The following CHCHD3 variants were observed in gnomAD, a reference collection of about 807,000 sequenced individuals.
CHCHD3 encodes the protein MICOS complex subunit MIC19.
CHCHD3 carries 20 observed loss-of-function variants against 38.2 expected under a neutral mutation model. That is an observed-to-expected ratio of 0.52 (90% confidence interval 0.37 to 0.76). The LOEUF is 0.76. Ranked by LOEUF, CHCHD3 falls within the 30% of genes least tolerant of loss-of-function variation. CHCHD3 has a pLI of 0.00. For synonymous variants in CHCHD3, 82 were observed against 100.0 expected, an observed-to-expected ratio of 0.82 and a Z score of 1.07; for missense variants, 245 against 279.2, an observed-to-expected ratio of 0.88 and a Z score of 0.87.
At chr7:133,068,524 C>A (rs1814735997) in intron 2 of CHCHD3, among the ~76,000 whole-genome samples, 1 of 152,150 alleles carries the variant, frequency 6.6e-6, no homozygotes, top group Admixed American at 6.5e-5. Context: ...TGGAGAGCCA[C>A]CACTGGGACA....
Position 132,885,744 on chromosome 7 carries a change from G to C in CHCHD3, c.371C>G (p.Ala124Gly), listed in dbSNP as rs1448922253. Residue 124 changes from alanine to glycine, a missense_variant and splice_region_variant, in exon 5 of 8, where the codon GCT becomes GGT. Coordinates refer to ENST00000262570, the MANE Select transcript of CHCHD3 (RefSeq NM_017812.4). Reference protein sequence around the residue: ...EEERAKAKHLARQLEEKDRVL... With the variant: ...EEERAKAKHLGRQLEEKDRVL... ...TCGGTCTTTCTCTTCCAGCTGCCTA[G>C]CCTAAAAAAAGAAATGAGGAATATA... 2 of 1,605,312 alleles carry C rather than the reference G, an allele frequency of 1.2e-6. No individual in the cohort carries two copies. The highest frequency in any genetic ancestry group is 1.1e-5 in the South Asian group (1 of 89,490).
chr7:133,039,916 G>C lies in CHCHD3; in HGVS notation c.170-15289C>G, dbSNP rs149335596. Among the ~76,000 whole-genome samples the C allele has an allele frequency of 2.0e-3, 312 of 152,322 alleles. 2 individuals are homozygous for C. The highest frequency in any genetic ancestry group is 7.0e-3 in the African/African-American group (292 of 41,570). ...CCCCCATGACACAGGCTCAAGGATA[G>C]TTGTGAGCCTAAGACAGAAAAGACT... On this transcript the variant is annotated intron_variant, in intron 2 of 7. Coordinates refer to ENST00000262570, the MANE Select transcript of CHCHD3 (RefSeq NM_017812.4).
intron 4 of CHCHD3, among the ~76,000 whole-genome samples, chr7:132,904,812 T>C (rs1809756044): frequency 6.6e-6 from 1 of 152,182 alleles, no homozygotes; most frequent in African/African-American, 2.4e-5. Context: ...TGCAGCACTA[T>C]TCACAATAGC....
rs146472012 is a variant in CHCHD3 at position 132,872,171 on chromosome 7, C to T, written c.453+13491G>A. On this transcript the variant is annotated intron_variant, in intron 5 of 7. Transcript: ENST00000262570. ...GGCAGAGCCTGGGGAAGTTGAAGTT[C>T]AAATAGTTCTAGGATAGGAGAAACA... Among the ~76,000 whole-genome samples the T allele has an allele frequency of 8.4e-3, 1,275 of 152,226 alleles. 23 individuals carry two copies. Among genetic ancestry groups the T allele is most frequent in the African/African-American group, 0.029 (1,210 of 41,534 alleles).
At chr7:132,866,553 G>A (rs1196412924) in intron 5 of CHCHD3, among the ~76,000 whole-genome samples, 2 of 152,202 alleles carry the variant, frequency 1.3e-5, no homozygotes, top group Non-Finnish European at 2.9e-5. Flanking sequence ...GGAAAGGTGT[G>A]TAAAGTCACA....
At position 133,082,088 on chromosome 7, in the gene CHCHD3, C is replaced by T. The variant is rs1270623370; in HGVS notation, c.-151G>A. The T allele has an allele frequency of 1.5e-6, 1 of 656,058 alleles. No homozygotes were observed. Among genetic ancestry groups the T allele is most frequent in the Non-Finnish European group, 2.5e-6 (1 of 397,904 alleles). 40.6% of individuals were successfully genotyped at this position (656,058 alleles called of 1,614,324 possible). ...CCAGAAGCAAGGAGAAGGCGCCGGT[C>T]CTGAGCTCCCGCCTCCTCCGGTCAC... On this transcript the variant is annotated 5_prime_UTR_variant, in exon 1 of 8. Transcript: ENST00000262570.
rs1942976704 is a variant in CHCHD3 at position 132,957,669 on chromosome 7, T to C, written c.369+17500A>G. Among the ~76,000 whole-genome samples, 3 of 152,040 alleles carry C rather than the reference T, an allele frequency of 2.0e-5. 1 individual carries two copies. The South Asian group carries it at 6.2e-4, about 31-fold the overall frequency. On this transcript the variant is annotated intron_variant, in intron 4 of 7. Transcript: ENST00000262570. Reference sequence around the variant, plus strand: ...CTAATTTTTGTATTTTTAGTAGAGATGGGGTTTCGCCATGTTGGTCAGGCT... The same window carrying C: ...CTAATTTTTGTATTTTTAGTAGAGACGGGGTTTCGCCATGTTGGTCAGGCT...
intron 5 of CHCHD3, among the ~76,000 whole-genome samples, chr7:132,877,469 C>A (rs538577651): frequency 6.6e-6 from 1 of 152,184 alleles, no homozygotes; most frequent in East Asian, 1.9e-4. Flanking sequence ...ATCTTTGCAC[C>A]TAAGTTATAA....
intron 5 of CHCHD3, among the ~76,000 whole-genome samples, chr7:132,882,011 C>T (rs946393667): frequency 6.6e-6 from 1 of 152,098 alleles, no homozygotes. Context: ...CAGAAATGTG[C>T]AAAAGACACA....
Position 133,035,108 on chromosome 7 carries a change from A to G in CHCHD3, c.170-10481T>C, listed in dbSNP as rs754402268. ...AGGGGTCCTTGGCCTTGGGCTCAGC[A>G]GCCAGCGCCTGCTCACATTCATCCA... On this transcript the variant is annotated intron_variant, in intron 2 of 7. Transcript: ENST00000262570. This position sits in a 1 kb window ranked among gnomAD's most constrained non-coding sequence, Gnocchi z 4.7. 6.2e-7 allele frequency: 1 copy of G among 1,613,760 alleles called. No individual in the cohort carries two copies. The highest frequency in any genetic ancestry group is 8.5e-7 in the Non-Finnish European group (1 of 1,179,720).
intron 4 of CHCHD3, among the ~76,000 whole-genome samples, chr7:132,966,162 A>G (rs1171520917): frequency 6.6e-6 from 1 of 152,252 alleles, no homozygotes; most frequent in African/African-American, 2.4e-5. Context: ...GGTATGTAAT[A>G]AATACTGCAG....
At chr7:132,879,180 A>G (rs1292290975) in intron 5 of CHCHD3, among the ~76,000 whole-genome samples, 1 of 152,198 alleles carries the variant, frequency 6.6e-6, no homozygotes, top group East Asian at 1.9e-4. Context: ...CATACAGCAC[A>G]TAGAATAATA....
intron 3 of CHCHD3, among the ~76,000 whole-genome samples, chr7:132,990,395 C>A (rs1562931242): frequency 6.6e-6 from 1 of 152,122 alleles, no homozygotes; most frequent in Non-Finnish European, 1.5e-5. Context: ...AGGTCAAATG[C>A]AGACATCTCT....
In CHCHD3 at chr7:132,788,770, A is replaced by T. The variant is rs1315567228; in HGVS notation, c.661-3110T>A. Among the ~76,000 whole-genome samples, 4 of 152,220 alleles carry T rather than the reference A, an allele frequency of 2.6e-5. No individual in the cohort carries two copies. The highest frequency in any genetic ancestry group is 4.4e-5 in the Non-Finnish European group (3 of 68,036). On this transcript the variant is annotated intron_variant, in intron 7 of 7. Coordinates refer to ENST00000262570, the MANE Select transcript of CHCHD3 (RefSeq NM_017812.4). The surrounding 1 kb of genome is among the most constrained non-coding windows in gnomAD (Gnocchi z 4.0). ...TATTAAAATTCTAATCCTCCAAGAT[A>T]GCACAGTGGTTCAGCTGATTTGTGG...
At chr7:132,949,014 A>C (rs1024924540) in intron 4 of CHCHD3, among the ~76,000 whole-genome samples, 1 of 152,196 alleles carries the variant, frequency 6.6e-6, no homozygotes, top group Non-Finnish European at 1.5e-5. Context: ...ACATATAATC[A>C]AAACGTCAAT....
At chr7:132,949,947 C>G (rs1810998448) in intron 4 of CHCHD3, among the ~76,000 whole-genome samples, 1 of 152,096 alleles carries the variant, frequency 6.6e-6, no homozygotes, top group South Asian at 2.1e-4. Flanking sequence ...ATAAACCTGA[C>G]CACATCAGCT....
chr7:133,074,412 C>T (rs183190555), intron 1 of CHCHD3, among the ~76,000 whole-genome samples: 1 of 152,296 alleles, frequency 6.6e-6, no homozygotes, highest in African/African-American at 2.4e-5. Flanking sequence ...ATGCCAGAGC[C>T]AGCTGCATCC....
At chr7:133,066,100 G>A (rs1369128506) in intron 2 of CHCHD3, among the ~76,000 whole-genome samples, 3 of 152,196 alleles carry the variant, frequency 2.0e-5, no homozygotes, top group Admixed American at 1.3e-4. Flanking sequence ...GCCACATGCG[G>A]TTACTGAGCA....
intron 4 of CHCHD3, among the ~76,000 whole-genome samples, chr7:132,939,799 C>G (rs997643596): frequency 4.6e-5 from 7 of 152,164 alleles, no homozygotes; most frequent in African/African-American, 1.7e-4. Flanking sequence ...CATTTAGGAA[C>G]AAATGAGTAT....
Sources: allele counts gnomAD v4.1 joint callset (sites outside exome capture counted in the v4.1 genomes callset), GRCh38; gene constraint gnomAD v4.1.1; non-coding constraint Gnocchi (gnomAD v3.1); transcripts MANE v1.5; gene names NCBI Gene and HGNC (gene_info 2026-07-23, HGNC 2026-07-21).